ZFHX3: variants seen among roughly 807,000 people sequenced by gnomAD.
ZFHX3 encodes zinc finger homeobox 3, also known as zinc finger homeobox protein 3.
A neutral mutation model predicts 279.1 loss-of-function variants in ZFHX3; 42 were observed. The ratio of observed to expected loss-of-function variants is 0.15; its 90% confidence interval spans 0.12 to 0.19. The LOEUF is 0.19. ZFHX3 is among the 10% of genes least tolerant of loss of function. The pLI is 1.00. For missense variants in ZFHX3, 4,981 were observed against 4,754.0 expected, an observed-to-expected ratio of 1.05 and a Z score of -1.40; for synonymous variants, 2,293 against 1,957.8, an observed-to-expected ratio of 1.17 and a Z score of -4.52.
chr16:73,656,190 G>A (rs958313243), intron 2 of ZFHX3, among the ~76,000 whole-genome samples: 3 of 152,176 alleles, frequency 2.0e-5, no homozygotes, highest in African/African-American at 7.2e-5. Flanking sequence ...TTCAAGCTGC[G>A]ATAGCAGAAC....
intron 2 of ZFHX3, among the ~76,000 whole-genome samples, chr16:73,478,317 T>C (rs576869209): frequency 5.4e-5 from 8 of 148,276 alleles, no homozygotes; most frequent in Admixed American, 4.0e-4. Flanking sequence ...CCATATGACA[T>C]GCCTGAACAG....
At chr16:73,580,926 T>G (rs142956363) in intron 2 of ZFHX3, among the ~76,000 whole-genome samples, 5 of 151,952 alleles carry the variant, frequency 3.3e-5, no homozygotes, top group African/African-American at 1.2e-4. Flanking sequence ...TGACCTTATA[T>G]ATTTCTTGCC....
intron 3 of ZFHX3, among the ~76,000 whole-genome samples, chr16:73,335,990 G>C (rs1427614925): frequency 1.3e-5 from 2 of 152,194 alleles, no homozygotes; most frequent in East Asian, 1.9e-4. Context: ...TCAATGCCCA[G>C]TTCTGCCTCT....
chr16:73,422,519 A>G (rs2017736664), intron 3 of ZFHX3, among the ~76,000 whole-genome samples: 1 of 152,214 alleles, frequency 6.6e-6, no homozygotes, highest in Admixed American at 6.5e-5. Flanking sequence ...GAATAAAGAG[A>G]CTTTTCCCCA....
At chr16:73,831,037 C>A (rs1960981982) in intron 1 of ZFHX3, among the ~76,000 whole-genome samples, 1 of 152,176 alleles carries the variant, frequency 6.6e-6, no homozygotes, top group Non-Finnish European at 1.5e-5. Flanking sequence ...TTACATATTT[C>A]TCTTCCCCTT....
At chr16:72,974,668 T>C (rs1962269221) in intron 1 of ZFHX3, among the ~76,000 whole-genome samples, 1 of 151,986 alleles carries the variant, frequency 6.6e-6, no homozygotes, top group Non-Finnish European at 1.5e-5. Context: ...ATAAAGAGCT[T>C]TTCAAGCAGT....
chr16:73,542,231 G>A (rs2020029871), intron 2 of ZFHX3, among the ~76,000 whole-genome samples: 1 of 152,206 alleles, frequency 6.6e-6, no homozygotes, highest in African/African-American at 2.4e-5. Context: ...CCTGTGGGAA[G>A]GCTGACTGCT....
At chr16:73,467,418 A>G (rs1034490800) in intron 2 of ZFHX3, among the ~76,000 whole-genome samples, 1 of 152,192 alleles carries the variant, frequency 6.6e-6, no homozygotes, top group Non-Finnish European at 1.5e-5. Context: ...ACTTGCAGGG[A>G]AATGGGGGTT....
intron 1 of ZFHX3, among the ~76,000 whole-genome samples, chr16:72,963,685 C>A (rs776681406): frequency 5.3e-5 from 8 of 152,154 alleles, no homozygotes; most frequent in Non-Finnish European, 1.2e-4. Context: ...TTAATCAAAA[C>A]GTTCATCTCC....
At chr16:73,075,504 C>G (rs750414972) in intron 8 of ZFHX3, among the ~76,000 whole-genome samples, 1 of 152,076 alleles carries the variant, frequency 6.6e-6, no homozygotes, top group Non-Finnish European at 1.5e-5. Flanking sequence ...GTTGGCAGCT[C>G]AGGACAGACT....
chr16:73,355,962 G>T (rs916958607), intron 3 of ZFHX3, among the ~76,000 whole-genome samples: 8 of 152,208 alleles, frequency 5.3e-5, no homozygotes, highest in Admixed American at 1.3e-4. Flanking sequence ...CCGAGTCCAG[G>T]GTTTTTCCTC....
intron 6 of ZFHX3, 29 bp downstream of exon 6, chr16:72,811,876 C>T (rs1319108739): frequency 1.2e-6 from 2 of 1,611,430 alleles, no homozygotes; most frequent in Non-Finnish European, 1.7e-6. Context: ...ACCTCACCTC[C>T]CCACCAGCAG....
At chr16:73,620,601 G>A (rs527510184) in intron 2 of ZFHX3, among the ~76,000 whole-genome samples, 1 of 152,338 alleles carries the variant, frequency 6.6e-6, no homozygotes, top group South Asian at 2.1e-4. Context: ...GTGAGTACAA[G>A]TTTGTCCAAT....
intron 1 of ZFHX3, among the ~76,000 whole-genome samples, chr16:73,819,956 C>G (rs1960685787): frequency 6.6e-6 from 1 of 152,176 alleles, no homozygotes; most frequent in Non-Finnish European, 1.5e-5. Context: ...GTCTCTCATC[C>G]CACCAACTCT....
chr16:72,936,731 C>T (rs781591441), intron 3 of ZFHX3, among the ~76,000 whole-genome samples: 2 of 152,088 alleles, frequency 1.3e-5, no homozygotes, highest in Non-Finnish European at 2.9e-5. Context: ...AGCTTGTAAG[C>T]CACAGTACAA....
intron 3 of ZFHX3, among the ~76,000 whole-genome samples, chr16:73,407,608 C>G (rs1157202348): frequency 6.6e-6 from 1 of 152,164 alleles, no homozygotes; most frequent in African/African-American, 2.4e-5. Context: ...CACCTTTAGT[C>G]TCCCACCTCC....
chr16:73,300,650 C>A (rs183206666), intron 4 of ZFHX3, among the ~76,000 whole-genome samples: 31 of 152,340 alleles, frequency 2.0e-4, no homozygotes, highest in Non-Finnish European at 4.0e-4. Context: ...ATTACAGGCG[C>A]CTGCCACCAT....
intron 4 of ZFHX3, among the ~76,000 whole-genome samples, chr16:72,858,411 G>A (rs977412984): frequency 2.0e-5 from 3 of 152,050 alleles, no homozygotes; most frequent in African/African-American, 7.2e-5. Flanking sequence ...AAACATAGCC[G>A]GCAAAACAAA....
chr16:73,685,450 C>T (rs12925789), intron 1 of ZFHX3, among the ~76,000 whole-genome samples: 5,826 of 152,304 alleles, frequency 0.038, 131 homozygotes, highest in Middle Eastern at 0.044. Flanking sequence ...CAGGCAGCCT[C>T]TAAAAGCTGG....
Sources: gnomAD v4.1 joint callset for allele counts (sites outside exome capture counted in the v4.1 genomes callset) on GRCh38, gnomAD v4.1.1 for gene constraint, MANE v1.5 for transcripts, NCBI Gene and HGNC (gene_info 2026-07-23, HGNC 2026-07-21) for gene names.